Variants in RYR1 observed in about 807,000 individuals in gnomAD.
RYR1 encodes the protein central core disease of muscle.
A neutral mutation model predicts 583.5 loss-of-function variants in RYR1; 342 were observed. The ratio of observed to expected loss-of-function variants is 0.59; its 90% CI spans 0.54 to 0.64. The LOEUF (loss-of-function observed/expected upper bound fraction) is 0.64, where lower values mean the gene tolerates loss of function less well. Among genes scored for constraint, RYR1 ranks in the 30% least tolerant of loss-of-function variants. The pLI is 0.00. For missense variants in RYR1, 6,032 were observed against 6,917.2 expected (o/e 0.87, Z 4.54); for synonymous variants, 2,791 against 2,822.5 (o/e 0.99, Z 0.35).
chr19:38,507,166 G>A (rs1442767187), intron 57 of RYR1, among the ~76,000 whole-genome samples: 1 of 150,438 alleles, frequency 6.6e-6, no homozygotes, highest in Non-Finnish European at 1.5e-5. Flanking sequence ...AAGCACAGGC[G>A]GGACCAGAGA....
chr19:38,585,013 C>T lies in RYR1; in HGVS notation c.14717C>T (p.Ala4906Val), dbSNP rs118192153. 4 of 1,614,016 alleles carry T rather than the reference C, an allele frequency of 2.5e-6. No homozygotes were observed. Among genetic ancestry groups the T allele is most frequent in the Non-Finnish European group, 3.4e-6 (4 of 1,179,992 alleles). ...GGIGDEIEDP[A>V]GDEYELYRVV... ...ATTGGGGACGAGATCGAGGACCCCG[C>T]GGGTGACGAATACGAGCTCTACAGG... Residue 4906 changes from alanine to valine, a missense_variant, in exon 102 of 106, where the codon GCG (alanine) becomes GTG (valine). Physicochemically the swap from Ala to Val is moderately conservative, Grantham distance 64 (BLOSUM62 0). Around this residue, in one of 11 missense-constraint regions of RYR1, gnomAD observed 189 missense variants for 350.3 expected, o/e 0.54. Coordinates refer to ENST00000359596, the MANE Select transcript of RYR1 (RefSeq NM_000540.3).
At chr19:38,436,487 G>A (rs1972433507) in intron 1 of RYR1, among the ~76,000 whole-genome samples, 1 of 152,124 alleles carries the variant, frequency 6.6e-6, no homozygotes. Context: ...GGGATTACAG[G>A]CATAAGCCAC....
chr19:38,485,626 C>G lies in RYR1; in HGVS notation c.4971C>G (p.Asp1657Glu). The G allele has an allele frequency of 6.2e-7, 1 of 1,610,200 alleles. No homozygotes were observed. Among genetic ancestry groups the G allele is most frequent in the Non-Finnish European group, 8.5e-7 (1 of 1,179,958 alleles). The change falls in exon 34 of 106, where the codon GAC (aspartate) becomes GAG (glutamate). Residue 1657 changes from aspartate to glutamate, a missense_variant. Transcript: ENST00000359596. ...MDILELSERL[D>E]LQRFHSHTLR... ...TCCTGGAGCTGTCGGAGCGCCTGGA[C>G]CTGCAGCGCTTCCACTCGCACACCC...
In RYR1 at chr19:38,535,401, G is replaced by A. The variant is rs370432370; in HGVS notation, c.11516+9G>A. 11 of 1,607,956 alleles carry A rather than the reference G, an allele frequency of 6.8e-6. No homozygotes were observed. The highest frequency in any genetic ancestry group is 6.7e-5 in the East Asian group (3 of 44,846). On this transcript the variant is annotated intron_variant, in intron 81 of 105. Transcript: ENST00000359596. ...CTGATGCAAACATGCAGGTAGGTTC[G>A]AGTGGACCTCTTCTTGTTAAGCTGT...
intron 90 of RYR1, among the ~76,000 whole-genome samples, chr19:38,562,334 C>T (rs937944525): frequency 6.6e-6 from 1 of 152,080 alleles, no homozygotes; most frequent in Non-Finnish European, 1.5e-5. Context: ...CCCGGCATGT[C>T]CCCAGCAGAG....
At chr19:38,556,721 T>C (rs535299173) in intron 89 of RYR1, among the ~76,000 whole-genome samples, 2 of 152,180 alleles carry the variant, frequency 1.3e-5, no homozygotes, top group African/African-American at 4.8e-5. Context: ...TAGCTCGACA[T>C]TTTTCATTCT....
Position 38,548,250 on chromosome 19 carries a change from A to C in RYR1, c.12112A>C (p.Met4038Leu), listed in dbSNP as rs761128771. Residue 4038 changes from methionine (M) to leucine (L), a missense_variant, in exon 89 of 106, where the codon ATG (methionine) becomes CTG (leucine). Coordinates refer to ENST00000359596, the MANE Select transcript of RYR1 (RefSeq NM_000540.3). The part of the protein sequence containing the change: ...SLLEGNVVNG[M>L]IARQMVDMLV... Reference sequence around the variant, plus strand: ...GCCTGCAGGGAACGTGGTGAACGGCATGATCGCCCGGCAGATGGTGGACAT... The same window carrying C: ...GCCTGCAGGGAACGTGGTGAACGGCCTGATCGCCCGGCAGATGGTGGACAT... 5 of 1,614,108 alleles carry C rather than the reference A, an allele frequency of 3.1e-6. No homozygotes were observed. The highest frequency in any genetic ancestry group is 8.5e-7 in the Non-Finnish European group (1 of 1,180,052).
intron 79 of RYR1, 58 bp from the exon 80 acceptor site, chr19:38,535,083 G>C: frequency 6.4e-7 from 1 of 1,554,958 alleles, no homozygotes; most frequent in Non-Finnish European, 8.8e-7. Context: ...TTTTCTGGTG[G>C]GTGGAACACA....
At chr19:38,447,475 C>T (rs1206665863) in intron 9 of RYR1, among the ~76,000 whole-genome samples, 2 of 151,442 alleles carry the variant, frequency 1.3e-5, no homozygotes, top group Non-Finnish European at 1.5e-5. Context: ...CAGGAGGTGG[C>T]GGTTGCAGTG....
rs144935444 is a variant in RYR1, at chr19:38,463,833, G to A, written c.2769G>A (p.Met923Ile). The change falls in exon 22 of 106, where the codon ATG becomes ATA. Residue 923 changes from methionine (M) to isoleucine (I), a missense_variant. Physicochemically the swap from Met to Ile is conservative, Grantham distance 10. Coordinates refer to ENST00000359596, the MANE Select transcript of RYR1 (RefSeq NM_000540.3). Reference sequence around the variant, plus strand: ...CTGAGAGGAACTACAACCTGCAGATGTCTGGGGAGACGCTCAAGTGAGGGC... The same window carrying A: ...CTGAGAGGAACTACAACCTGCAGATATCTGGGGAGACGCTCAAGTGAGGGC... ...PEPERNYNLQ[M>I]SGETLKTLLA... The A allele has an allele frequency of 6.8e-6, 11 of 1,613,790 alleles. No individual in the cohort carries two copies. Among genetic ancestry groups the A allele is most frequent in the South Asian group, 1.1e-5 (1 of 91,064 alleles).
intron 53 of RYR1, 140 bp from the exon 54 acceptor site, chr19:38,505,666 C>A: frequency 9.3e-7 from 1 of 1,077,732 alleles, no homozygotes; most frequent in Non-Finnish European, 1.4e-6. Context: ...GGCTCTGTTA[C>A]AGAGCAGGTA....
At chr19:38,555,446 C>CAAAAAAAAAAAAAAAAAAAAAAAAAAAAA (rs56911809) in intron 89 of RYR1, among the ~76,000 whole-genome samples, 1 of 83,488 alleles carries the variant, frequency 1.2e-5, no homozygotes, top group African/African-American at 3.8e-5. Flanking sequence ...GACCCTGCCT[C>CAAAAAAAAAAAAAAAAAAAAAAAAAAAAA]AAAAAAAAAA....
At chr19:38,467,987 C>T (rs1391654865) in intron 25 of RYR1, 175 bp downstream of exon 25, 2 of 644,432 alleles carry the variant, frequency 3.1e-6, no homozygotes, top group African/African-American at 3.6e-5. Flanking sequence ...TCCATCCATC[C>T]ATCGATCTAT....
At chr19:38,516,012 C>G (rs1446188965) in intron 64 of RYR1, 75 bp from the exon 65 acceptor site, 3 of 1,506,946 alleles carry the variant, frequency 2.0e-6, no homozygotes, top group Admixed American at 4.1e-5. Flanking sequence ...GGAGCCGTTT[C>G]TATGGAGATG....
At position 38,444,791 on chromosome 19, in the gene RYR1, T is replaced by C; in HGVS notation, c.631+114T>C. 2 of 787,616 alleles carry C rather than the reference T, an allele frequency of 2.5e-6. No homozygotes were observed. Among genetic ancestry groups the C allele is most frequent in the South Asian group, 1.5e-5 (1 of 66,922 alleles). The allele number at this position is 787,616 out of a possible 1,614,324, so 48.8% of individuals were successfully genotyped here. A position where few individuals can be genotyped will look rare whatever the true frequency, so the allele number is the denominator to read the frequency against. ...GAACCTCAGACCTCAAACCTAGATC[T>C]CCAAATTATGGCTCTCACACTTAGA... On this transcript the variant is annotated intron_variant, in intron 7 of 105. Coordinates refer to ENST00000359596, the MANE Select transcript of RYR1 (RefSeq NM_000540.3). The surrounding 1 kb of genome is among the most constrained non-coding windows in gnomAD (Gnocchi z 5.1).
chr19:38,490,540 C>A (rs891858368), intron 36 of RYR1, 81 bp from the exon 37 acceptor site: 16 of 953,348 alleles, frequency 1.7e-5, no homozygotes, highest in Non-Finnish European at 2.4e-5. Context: ...CATGGACTAA[C>A]AATTGCATCT....
chr19:38,461,231 G>A (rs1967723479), intron 20 of RYR1, among the ~76,000 whole-genome samples: 3 of 152,214 alleles, frequency 2.0e-5, no homozygotes, highest in South Asian at 4.1e-4. Context: ...CCGAAAGTTC[G>A]AGATTAGTAT....
chr19:38,527,849 T>G lies in RYR1; in HGVS notation c.10824+65T>G, dbSNP rs1971541502. The G allele has an allele frequency of 1.9e-6, 3 of 1,582,076 alleles. No individual in the cohort carries two copies. In the South Asian group the frequency reaches 3.3e-5, roughly 18 times the overall value. ...GCGGAGCCTGGCGGGGGGAGGGGCT[T>G]CAAGGATGTGGGTGGGGTCTGGAGA... On this transcript the variant is annotated intron_variant, in intron 73 of 105. Transcript: ENST00000359596.
In RYR1 at chr19:38,489,461, G is replaced by GCTGCTT; in HGVS notation, c.5814+20_5814+21insGCTTCT. The GCTGCTT allele has an allele frequency of 1.2e-6, 2 of 1,613,820 alleles. No individual in the cohort carries two copies. Among genetic ancestry groups the GCTGCTT allele is most frequent in the Non-Finnish European group, 8.5e-7 (1 of 1,179,818 alleles). On this transcript the variant is annotated intron_variant, in intron 35 of 105. Transcript: ENST00000359596. Reference sequence around the variant, plus strand: ...AGTTACAGGTGGGCTGCTGCTTCCTGCTTTTCGGCCTCTGTCCATCTGGGC... The same window carrying GCTGCTT: ...AGTTACAGGTGGGCTGCTGCTTCCTGCTGCTTCTTTTCGGCCTCTGTCCATCTGGGC...
Sources: allele counts gnomAD v4.1 joint callset (sites outside exome capture counted in the v4.1 genomes callset), GRCh38; gene constraint gnomAD v4.1.1; regional missense constraint gnomAD v4.1.1; non-coding constraint Gnocchi (gnomAD v3.1); transcripts MANE v1.5; gene names NCBI Gene and HGNC (gene_info 2026-07-23, HGNC 2026-07-21).